Variants in CSMD1 observed in about 807,000 individuals in gnomAD.
CSMD1 encodes CUB and sushi domain-containing protein 1.
In CSMD1, 213 loss-of-function variants were observed where a neutral mutation model predicts 417.5. That is an observed-to-expected ratio of 0.51 (90% CI 0.46 to 0.57). The LOEUF is 0.57. Among genes scored for constraint, CSMD1 ranks in the 20% least tolerant of loss-of-function variants. The probability of loss-of-function intolerance (pLI) is 0.00; values close to 1 mark genes in which losing one functional copy is unlikely to be tolerated. For synonymous variants in CSMD1, 2,862 were observed against 1,736.8 expected, an observed-to-expected ratio of 1.65 and a Z score of -16.11; for missense variants, 6,923 against 4,529.7, an observed-to-expected ratio of 1.53 and a Z score of -15.17.
intron 3 of CSMD1, among the ~76,000 whole-genome samples, chr8:4,117,981 A>T (rs768047497): frequency 6.6e-6 from 1 of 151,148 alleles, no homozygotes; most frequent in Non-Finnish European, 1.5e-5. Flanking sequence ...TACAAAGGAC[A>T]AGAGCAGGCA....
intron 12 of CSMD1, among the ~76,000 whole-genome samples, chr8:3,461,748 G>T (rs997207264): frequency 6.6e-6 from 1 of 152,224 alleles, no homozygotes; most frequent in East Asian, 1.9e-4. Flanking sequence ...TGTCCCCAAT[G>T]AGACAATACA....
intron 5 of CSMD1, among the ~76,000 whole-genome samples, chr8:3,891,758 A>G (rs1263099798): frequency 6.6e-6 from 1 of 152,118 alleles, no homozygotes; most frequent in African/African-American, 2.4e-5. Flanking sequence ...TGGAGACTGA[A>G]TCTCTGCTTC....
intron 3 of CSMD1, among the ~76,000 whole-genome samples, chr8:4,195,427 C>A (rs141218061): frequency 1.6e-4 from 24 of 152,236 alleles, no homozygotes; most frequent in African/African-American, 5.8e-4. Flanking sequence ...AAGACTGTGT[C>A]ATGATTTAAA....
intron 2 of CSMD1, among the ~76,000 whole-genome samples, chr8:4,421,376 G>C (rs1281383768): frequency 6.6e-6 from 1 of 152,076 alleles, no homozygotes; most frequent in African/African-American, 2.4e-5. Flanking sequence ...CAAGAACAGA[G>C]TACACATTTC....
chr8:4,330,971 C>G (rs190621616), intron 3 of CSMD1, among the ~76,000 whole-genome samples: 5 of 152,188 alleles, frequency 3.3e-5, no homozygotes, highest in African/African-American at 9.6e-5. Flanking sequence ...CAAGACCCCC[C>G]GACATATACA....
chr8:4,328,994 T>C (rs1374567934), intron 3 of CSMD1, among the ~76,000 whole-genome samples: 23 of 152,246 alleles, frequency 1.5e-4, no homozygotes, highest in Non-Finnish European at 2.9e-5. Context: ...TTTTTGTGTT[T>C]ACTATTCCTC....
intron 3 of CSMD1, among the ~76,000 whole-genome samples, chr8:4,093,904 G>C (rs536447238): frequency 1.1e-4 from 16 of 152,146 alleles, no homozygotes; most frequent in African/African-American, 3.4e-4. Context: ...AGGTTTCAGT[G>C]AGCCCAGATT....
intron 35 of CSMD1, 59 bp downstream of exon 35, chr8:3,188,828 A>C (rs1297007948): frequency 1.5e-6 from 2 of 1,377,746 alleles, no homozygotes; most frequent in Middle Eastern, 2.6e-4. Context: ...AGAATGAAAG[A>C]AAGAAGCCCA....
intron 3 of CSMD1, among the ~76,000 whole-genome samples, chr8:4,243,487 C>T (rs1802524943): frequency 1.3e-5 from 2 of 152,120 alleles, no homozygotes; most frequent in African/African-American, 2.4e-5. Context: ...CTACTCAAAA[C>T]AGAAACTTTC....
At chr8:3,146,083 TTC>T (rs1374966968) in intron 40 of CSMD1, among the ~76,000 whole-genome samples, 2 of 152,224 alleles carry the variant, frequency 1.3e-5, no homozygotes, top group African/African-American at 2.4e-5. Context: ...TTATTGAACA[TTC>T]TAAAGAACCT....
At chr8:2,954,611 C>T (rs1802872648) in intron 64 of CSMD1, among the ~76,000 whole-genome samples, 1 of 152,098 alleles carries the variant, frequency 6.6e-6, no homozygotes, top group Non-Finnish European at 1.5e-5. Context: ...TAACACCCCA[C>T]CCAAATAACC....
chr8:4,810,104 G>A (rs1276140737), intron 1 of CSMD1, among the ~76,000 whole-genome samples: 2 of 152,086 alleles, frequency 1.3e-5, no homozygotes, highest in African/African-American at 4.8e-5. Context: ...TTAGCCTTTA[G>A]AAACACAAAA....
At chr8:3,434,745 A>T (rs1340445799) in intron 12 of CSMD1, among the ~76,000 whole-genome samples, 1 of 152,192 alleles carries the variant, frequency 6.6e-6, no homozygotes, top group Non-Finnish European at 1.5e-5. Flanking sequence ...ACATCCGCAG[A>T]TAGCTTGTCT....
At chr8:4,342,160 C>G (rs997888800) in intron 3 of CSMD1, among the ~76,000 whole-genome samples, 1 of 151,850 alleles carries the variant, frequency 6.6e-6, no homozygotes, top group Non-Finnish European at 1.5e-5. Flanking sequence ...GTCTACCAAG[C>G]CACATTCTTA....
At chr8:3,459,298 G>A (rs907247352) in intron 12 of CSMD1, among the ~76,000 whole-genome samples, 4 of 152,262 alleles carry the variant, frequency 2.6e-5, no homozygotes, top group Non-Finnish European at 4.4e-5. Flanking sequence ...GAGACAGGCC[G>A]GTGTGTCCCT....
At chr8:3,856,753 A>G (rs1308625616) in intron 5 of CSMD1, among the ~76,000 whole-genome samples, 2 of 152,130 alleles carry the variant, frequency 1.3e-5, no homozygotes, top group African/African-American at 4.8e-5. Context: ...TTCCTTTGCC[A>G]TGGTGTCTTT....
intron 1 of CSMD1, among the ~76,000 whole-genome samples, chr8:4,800,149 G>C (rs1798197735): frequency 6.6e-6 from 1 of 152,186 alleles, no homozygotes; most frequent in Non-Finnish European, 1.5e-5. Context: ...ATACAAGAAA[G>C]GAAAATTGGC....
intron 3 of CSMD1, among the ~76,000 whole-genome samples, chr8:4,390,796 C>T (rs1013188034): frequency 6.6e-6 from 1 of 152,104 alleles, no homozygotes; most frequent in Non-Finnish European, 1.5e-5. Context: ...CTGCCTCAGC[C>T]TCCCAAAGTG....
At chr8:3,670,957 G>C (rs1016396558) in intron 7 of CSMD1, among the ~76,000 whole-genome samples, 2 of 125,292 alleles carry the variant, frequency 1.6e-5, no homozygotes, top group South Asian at 5.2e-4. Context: ...ATATGTGTAT[G>C]GGATATATGT....
Sources: gnomAD v4.1 joint callset for allele counts (sites outside exome capture counted in the v4.1 genomes callset) on GRCh38, gnomAD v4.1.1 for gene constraint, MANE v1.5 for transcripts, NCBI Gene and HGNC (gene_info 2026-07-23, HGNC 2026-07-21) for gene names.